TENM2: variants seen among roughly 807,000 people sequenced by gnomAD.
The protein encoded by TENM2 is teneurin transmembrane protein 2.
Under a neutral mutation model 245.2 loss-of-function variants are expected in TENM2, and 52 were observed. The observed-to-expected ratio is 0.21, with a 90% CI of 0.17 to 0.27. TENM2 has a LOEUF of 0.27. TENM2 is among the 10% of genes least tolerant of loss of function. The probability of loss-of-function intolerance (pLI) is 1.00; values close to 1 mark genes in which losing one functional copy is unlikely to be tolerated. For missense variants in TENM2, 3,046 were observed against 3,666.8 expected (o/e 0.83, Z 4.37); for synonymous variants, 1,363 against 1,438.9 (o/e 0.95, Z 1.19).
intron 5 of TENM2, among the ~76,000 whole-genome samples, chr5:168,013,362 G>A (rs184581383): frequency 6.6e-5 from 10 of 152,158 alleles, no homozygotes; most frequent in Non-Finnish European, 1.3e-4. Flanking sequence ...CTAGCACTTT[G>A]GGAGACTGAA....
the TENM2 span, among the ~76,000 whole-genome samples, chr5:167,259,333 C>T: frequency 5.3e-5 from 8 of 152,234 alleles, no homozygotes; most frequent in South Asian, 1.2e-3. Context: ...TTATATGCCA[C>T]AGATTCAGTG....
intron 9 of TENM2, among the ~76,000 whole-genome samples, chr5:168,106,936 T>C (rs1794290619): frequency 6.6e-6 from 1 of 152,164 alleles, no homozygotes; most frequent in African/African-American, 2.4e-5. Flanking sequence ...TAGTGAAGAC[T>C]GTAATCCCAG....
At chr5:167,218,169 G>A in the TENM2 span, among the ~76,000 whole-genome samples, 27 of 151,916 alleles carry the variant, frequency 1.8e-4, no homozygotes, top group African/African-American at 6.3e-4. Flanking sequence ...GTGACTTGCC[G>A]GGGTTGCTCC....
At chr5:167,724,708 T>G (rs1237049442) in intron 2 of TENM2, among the ~76,000 whole-genome samples, 2 of 152,172 alleles carry the variant, frequency 1.3e-5, no homozygotes, top group Non-Finnish European at 2.9e-5. Flanking sequence ...GAGATCTAAA[T>G]GCTGAGAAGA....
chr5:167,018,164 T>G, the TENM2 span, among the ~76,000 whole-genome samples: 1 of 152,186 alleles, frequency 6.6e-6, no homozygotes, highest in Non-Finnish European at 1.5e-5. Flanking sequence ...ATGAGCTACA[T>G]TGCATATGAG....
chr5:167,297,959 G>T (rs539356520), intron 1 of TENM2, among the ~76,000 whole-genome samples: 4 of 152,282 alleles, frequency 2.6e-5, no homozygotes, highest in East Asian at 1.9e-4. Flanking sequence ...AATGTCATCA[G>T]TTAAGGCAGG....
intron 12 of TENM2, among the ~76,000 whole-genome samples, chr5:168,158,850 T>TATATATATATATATACAC (rs1339051385): frequency 1.8e-3 from 113 of 62,242 alleles, no homozygotes; most frequent in East Asian, 8.5e-3. Flanking sequence ...TATATATATA[T>TATATATATATATATACAC]ACACACACAC....
chr5:167,385,502 ATTTT>A, intron 2 of TENM2, among the ~76,000 whole-genome samples: 1 of 126,838 alleles, frequency 7.9e-6, no homozygotes, highest in Non-Finnish European at 1.7e-5. Context: ...TTTAGGTTTA[ATTTT>A]TTTTTTTTTT....
chr5:168,067,247 A>C (rs1007281612), intron 7 of TENM2, among the ~76,000 whole-genome samples: 2 of 152,200 alleles, frequency 1.3e-5, no homozygotes, highest in African/African-American at 4.8e-5. Flanking sequence ...CTAGGGATTG[A>C]ATGGCGGTAA....
chr5:168,182,622 C>T (rs1169315985), intron 13 of TENM2, among the ~76,000 whole-genome samples: 1 of 152,136 alleles, frequency 6.6e-6, no homozygotes, highest in Non-Finnish European at 1.5e-5. Context: ...TCCAGTACCA[C>T]CCTGGGCAAA....
the TENM2 span, among the ~76,000 whole-genome samples, chr5:167,208,787 A>G: frequency 1.3e-5 from 2 of 152,202 alleles, no homozygotes; most frequent in Non-Finnish European, 1.5e-5. Flanking sequence ...CTTTCAGCCT[A>G]TATGTATTAT....
the TENM2 span, among the ~76,000 whole-genome samples, chr5:167,078,150 T>C: frequency 6.6e-6 from 1 of 152,078 alleles, no homozygotes; most frequent in African/African-American, 2.4e-5. Flanking sequence ...TGTGTGTACA[T>C]GCATACCATA....
intron 3 of TENM2, among the ~76,000 whole-genome samples, chr5:167,937,463 T>A (rs1243291387): frequency 3.3e-5 from 5 of 152,202 alleles, no homozygotes; most frequent in Admixed American, 2.6e-4. Flanking sequence ...CCAGACTGGC[T>A]GTCTCATTTT....
intron 1 of TENM2, among the ~76,000 whole-genome samples, chr5:167,354,022 C>T (rs1245829156): frequency 1.3e-5 from 2 of 152,186 alleles, no homozygotes; most frequent in Admixed American, 6.5e-5. Context: ...AGTATACATT[C>T]TTGATGAATG....
the TENM2 span, among the ~76,000 whole-genome samples, chr5:166,980,461 C>T: frequency 6.6e-6 from 1 of 152,124 alleles, no homozygotes; most frequent in Non-Finnish European, 1.5e-5. Flanking sequence ...CTCTGGCTGC[C>T]GGGATCTGTT....
chr5:167,301,411 G>C (rs1413925288), intron 1 of TENM2, among the ~76,000 whole-genome samples: 1 of 152,178 alleles, frequency 6.6e-6, no homozygotes, highest in African/African-American at 2.4e-5. Context: ...TAGGCATTTG[G>C]AAGTTCTTGT....
intron 2 of TENM2, among the ~76,000 whole-genome samples, chr5:167,802,271 C>T (rs77842174): frequency 3.2e-4 from 49 of 152,194 alleles, no homozygotes; most frequent in Non-Finnish European, 5.7e-4. Flanking sequence ...AAGTGAGGGA[C>T]GCTTCATTGT....
At chr5:168,040,366 T>A (rs539858010) in intron 5 of TENM2, among the ~76,000 whole-genome samples, 1 of 152,324 alleles carries the variant, frequency 6.6e-6, no homozygotes, top group East Asian at 1.9e-4. Context: ...CTCTTCTTTG[T>A]AATTCCTGAG....
chr5:168,141,512 G>C (rs923111568), intron 12 of TENM2, among the ~76,000 whole-genome samples: 4 of 152,180 alleles, frequency 2.6e-5, no homozygotes, highest in African/African-American at 9.7e-5. Flanking sequence ...TTTAGAGCCA[G>C]AGGAAACTGC....
Sources: gnomAD v4.1 joint callset for allele counts (sites outside exome capture counted in the v4.1 genomes callset) on GRCh38, gnomAD v4.1.1 for gene constraint, MANE v1.5 for transcripts, NCBI Gene and HGNC (gene_info 2026-07-23, HGNC 2026-07-21) for gene names.